FHIT: variants seen among roughly 807,000 people sequenced by gnomAD.
FHIT encodes the protein fragile histidine triad diadenosine triphosphatase, also known as bis(5'-adenosyl)-triphosphatase.
Under a neutral mutation model 17.9 loss-of-function variants are expected in FHIT, and 19 were observed. That is an observed-to-expected ratio of 1.06 (90% CI 0.74 to 1.56). The LOEUF (loss-of-function observed/expected upper bound fraction) is 1.56, where lower values mean the gene tolerates loss of function less well. FHIT is among the 40% of genes most tolerant of loss of function. FHIT has a pLI of 0.00. For synonymous variants in FHIT, 81 were observed against 69.7 expected (o/e 1.16, Z -0.81); for missense variants, 248 against 189.2 (o/e 1.31, Z -1.82).
chr3:60,774,396 G>A (rs868917082), intron 4 of FHIT, among the ~76,000 whole-genome samples: 91 of 152,080 alleles, frequency 6.0e-4, no homozygotes, highest in African/African-American at 2.0e-3. Flanking sequence ...TGCCTCTCGC[G>A]TTCATGCAAT....
At chr3:60,342,743 T>C (rs1710588155) in intron 5 of FHIT, among the ~76,000 whole-genome samples, 1 of 152,146 alleles carries the variant, frequency 6.6e-6, no homozygotes, top group African/African-American at 2.4e-5. Flanking sequence ...AGGAAAAATA[T>C]TGTCTGGAGA....
intron 5 of FHIT, among the ~76,000 whole-genome samples, chr3:60,182,380 A>G (rs1018292697): frequency 1.3e-5 from 2 of 152,224 alleles, no homozygotes; most frequent in African/African-American, 4.8e-5. Context: ...GCCTATTAGC[A>G]TCTTTAAGTA....
intron 8 of FHIT, among the ~76,000 whole-genome samples, chr3:59,868,775 A>C (rs1702775592): frequency 6.6e-6 from 1 of 152,136 alleles, no homozygotes; most frequent in Admixed American, 6.5e-5. Flanking sequence ...GAGGAAGTAG[A>C]TGGTTTTAAC....
At chr3:60,771,137 C>T (rs1330198242) in intron 4 of FHIT, among the ~76,000 whole-genome samples, 8 of 152,194 alleles carry the variant, frequency 5.3e-5, no homozygotes, top group Non-Finnish European at 7.3e-5. Context: ...CTTTCTTAGC[C>T]TAAGGCTAGC....
rs555152767 is a variant in FHIT at position 60,533,568 on chromosome 3, A to G, written c.103+3292T>C. Among the ~76,000 whole-genome samples the G allele has an allele frequency of 3.3e-5, 5 of 152,314 alleles. No individual in the cohort carries two copies. The East Asian group carries it at 9.6e-4, about 29-fold the overall frequency. ...TGAATGAATCAACATGAGAATAAGG[A>G]AGTGAGTGTCACAAACAGAGGACAG... On this transcript the variant is annotated intron_variant, in intron 5 of 9. Transcript: ENST00000492590.
At chr3:60,606,520 C>A (rs1219528932) in intron 4 of FHIT, among the ~76,000 whole-genome samples, 1 of 152,108 alleles carries the variant, frequency 6.6e-6, no homozygotes, top group Admixed American at 6.5e-5. Flanking sequence ...GGATTACAGG[C>A]GTGAGTCACC....
At chr3:61,246,822 C>T (rs189331003) in intron 1 of FHIT, among the ~76,000 whole-genome samples, 9 of 152,156 alleles carry the variant, frequency 5.9e-5, no homozygotes, top group East Asian at 3.9e-4. Context: ...ATTAACAAAC[C>T]TGTACATTCT....
In FHIT at chr3:60,033,354, C is replaced by T. The variant is rs376471847; in HGVS notation, c.104-19202G>A. 8.6e-5 allele frequency among the ~76,000 whole-genome samples: 13 copies of T among 151,944 alleles called. No individual in the cohort carries two copies. The East Asian group carries it at 1.4e-3, about 16-fold the overall frequency. ...CTACTAAAAATACAAATCAGCCGGG[C>T]GTGGTGGCGCATGCCTGTAATCTCA... On this transcript the variant is annotated intron_variant, in intron 5 of 9. Transcript: ENST00000492590.
chr3:60,044,654 G>C (rs1701577980), intron 5 of FHIT, among the ~76,000 whole-genome samples: 1 of 152,176 alleles, frequency 6.6e-6, no homozygotes, highest in Non-Finnish European at 1.5e-5. Flanking sequence ...ACAGGATTTT[G>C]CTTGCACATG....
chr3:59,780,369 A>C (rs961274936), intron 8 of FHIT, among the ~76,000 whole-genome samples: 4 of 152,252 alleles, frequency 2.6e-5, no homozygotes, highest in South Asian at 4.1e-4. Context: ...TACAGTGAAC[A>C]GTCCAAGCTA....
intron 5 of FHIT, among the ~76,000 whole-genome samples, chr3:60,240,924 C>T (rs905044275): frequency 5.3e-5 from 8 of 152,058 alleles, no homozygotes; most frequent in Non-Finnish European, 2.9e-5. Context: ...TTAAAACATG[C>T]CACAGGTTTC....
At chr3:60,227,188 A>C (rs213415) in intron 5 of FHIT, among the ~76,000 whole-genome samples, 129,975 of 152,108 alleles carry the variant, frequency 0.85, 56,075 homozygotes, top group African/African-American at 0.96. Context: ...CAAAGGAATC[A>C]CTAAACTCTC....
intron 7 of FHIT, among the ~76,000 whole-genome samples, chr3:59,943,695 A>T (rs1287347054): frequency 6.6e-6 from 1 of 152,014 alleles, no homozygotes; most frequent in Non-Finnish European, 1.5e-5. Context: ...AACATATTTG[A>T]CTCTACCATG....
intron 7 of FHIT, among the ~76,000 whole-genome samples, chr3:59,941,823 T>A (rs1706533583): frequency 6.6e-6 from 1 of 152,088 alleles, no homozygotes; most frequent in Non-Finnish European, 1.5e-5. Context: ...CCCCAATGCA[T>A]GAAGTAGGAT....
At chr3:60,623,597 T>A (rs892432815) in intron 4 of FHIT, among the ~76,000 whole-genome samples, 1 of 152,182 alleles carries the variant, frequency 6.6e-6, no homozygotes. Flanking sequence ...AGAGCCTTTA[T>A]GACTTATAAA....
At chr3:60,350,475 C>T (rs575543633) in intron 5 of FHIT, among the ~76,000 whole-genome samples, 13 of 152,162 alleles carry the variant, frequency 8.5e-5, no homozygotes, top group South Asian at 2.1e-4. Context: ...CAAAATTGTA[C>T]GTAACGTCAC....
rs116419313 is a variant in FHIT at position 60,801,338 on chromosome 3, G to A, written c.-18+20581C>T. On this transcript the variant is annotated intron_variant, in intron 4 of 9. Transcript: ENST00000492590. ...ATGCCACTTAGGCAAGAGGCTTCAG[G>A]TCACACTTGCCCTAACCTGGTTTCC... is the stretch of plus-strand genomic sequence containing the variant. Among the ~76,000 whole-genome samples the A allele has an allele frequency of 6.5e-3, 994 of 152,298 alleles. 14 individuals are homozygous for A. Among genetic ancestry groups the A allele is most frequent in the African/African-American group, 0.022 (928 of 41,550 alleles).
rs555955583 is a variant in FHIT, at chr3:60,603,460, T to C, written c.-17-66481A>G. ...TATCTTCCTATCTGTACATGTGTAT[T>C]AAGAGATGTTTAGAACGATGCTCTT... On this transcript the variant is annotated intron_variant, in intron 4 of 9. Coordinates refer to ENST00000492590, the MANE Select transcript of FHIT (RefSeq NM_002012.4). Among the ~76,000 whole-genome samples the C allele has an allele frequency of 6.6e-5, 10 of 152,240 alleles. No individual in the cohort carries two copies. The East Asian group carries it at 7.7e-4, about 12-fold the overall frequency.
At chr3:60,422,001 C>T (rs1207031212) in intron 5 of FHIT, among the ~76,000 whole-genome samples, 1 of 152,028 alleles carries the variant, frequency 6.6e-6, no homozygotes, top group Non-Finnish European at 1.5e-5. Context: ...AGAGGGTGAG[C>T]TAAAAGGACA....
Sources: allele counts gnomAD v4.1 joint callset (sites outside exome capture counted in the v4.1 genomes callset), GRCh38; gene constraint gnomAD v4.1.1; transcripts MANE v1.5; gene names NCBI Gene and HGNC (gene_info 2026-07-23, HGNC 2026-07-21).